The following CNTNAP2 variants were observed in gnomAD, a reference collection of about 807,000 sequenced individuals.
CNTNAP2 encodes contactin associated protein 2.
Under a neutral mutation model 155.2 loss-of-function variants are expected in CNTNAP2, and 98 were observed. The observed-to-expected ratio is 0.63, with a 90% confidence interval of 0.54 to 0.75. The LOEUF (loss-of-function observed/expected upper bound fraction) is 0.75. CNTNAP2 is among the 30% of genes least tolerant of loss of function. The probability of loss-of-function intolerance (pLI) is 0.00; values close to 1 mark genes in which losing one functional copy is unlikely to be tolerated. For synonymous variants in CNTNAP2, 651 were observed against 631.2 expected (o/e 1.03, Z -0.47); for missense variants, 1,727 against 1,688.1 (o/e 1.02, Z -0.40).
intron 1 of CNTNAP2, among the ~76,000 whole-genome samples, chr7:146,726,410 TC>T (rs1801432683): frequency 6.6e-6 from 1 of 152,162 alleles, no homozygotes; most frequent in Admixed American, 6.5e-5. Context: ...TCTTTTAGCT[TC>T]CCTTATTTTG....
chr7:147,091,578 A>G (rs904301922), intron 4 of CNTNAP2, among the ~76,000 whole-genome samples: 6 of 148,778 alleles, frequency 4.0e-5, no homozygotes, highest in Admixed American at 2.0e-4. Context: ...CAGCTTCCCT[A>G]GTAGCTGGGA....
At chr7:146,989,602 C>T (rs1398342705) in intron 3 of CNTNAP2, among the ~76,000 whole-genome samples, 1 of 151,940 alleles carries the variant, frequency 6.6e-6, no homozygotes. Context: ...TTTAAATTTC[C>T]AAATCTCATC....
chr7:148,157,727 CAG>C (rs1371379023), intron 17 of CNTNAP2, among the ~76,000 whole-genome samples: 15 of 152,142 alleles, frequency 9.9e-5, no homozygotes, highest in Non-Finnish European at 2.2e-4. Flanking sequence ...AATCCTAATG[CAG>C]AGTTTCTACC....
At chr7:147,472,300 C>T (rs942382418) in intron 10 of CNTNAP2, among the ~76,000 whole-genome samples, 1 of 146,890 alleles carries the variant, frequency 6.8e-6, no homozygotes, top group African/African-American at 2.5e-5. Flanking sequence ...GCAACCTTTG[C>T]CTCCCAGGTT....
chr7:147,726,293 CTT>C (rs1337470552), intron 13 of CNTNAP2, among the ~76,000 whole-genome samples: 2 of 152,050 alleles, frequency 1.3e-5, no homozygotes, highest in African/African-American at 4.8e-5. Flanking sequence ...CACAAGAAGA[CTT>C]TTGGCGGTGT....
Position 146,465,685 on chromosome 7 carries a change from T to C in CNTNAP2, c.98-308586T>C, listed in dbSNP as rs1192987887. Reference sequence around the variant, plus strand: ...TTAAAAATGGGATCTTCTGAGACTTTGCATGCTGTCTTCAGACCTATCTTG... The same window carrying C: ...TTAAAAATGGGATCTTCTGAGACTTCGCATGCTGTCTTCAGACCTATCTTG... On this transcript the variant is annotated intron_variant, in intron 1 of 23. Coordinates refer to ENST00000361727, the MANE Select transcript of CNTNAP2 (RefSeq NM_014141.6). Among the ~76,000 whole-genome samples, 4 of 152,202 alleles carry C rather than the reference T, an allele frequency of 2.6e-5. No individual in the cohort carries two copies. The East Asian group carries it at 5.8e-4, about 22-fold the overall frequency.
chr7:146,144,404 A>G (rs891634320), intron 1 of CNTNAP2, among the ~76,000 whole-genome samples: 1 of 152,132 alleles, frequency 6.6e-6, no homozygotes, highest in African/African-American at 2.4e-5. Flanking sequence ...TGCCTGCTTC[A>G]GCCTCCAAAA....
intron 1 of CNTNAP2, among the ~76,000 whole-genome samples, chr7:146,358,350 TG>T (rs1410432415): frequency 6.6e-6 from 1 of 152,182 alleles, no homozygotes; most frequent in African/African-American, 2.4e-5. Flanking sequence ...GCTTGATTTA[TG>T]ATCCGTAGGC....
chr7:147,949,440 G>GTATATATATATATATGTA (rs1800883631), intron 14 of CNTNAP2, among the ~76,000 whole-genome samples: 1 of 127,366 alleles, frequency 7.9e-6, no homozygotes, highest in South Asian at 2.9e-4. Context: ...TCAACTGTGT[G>GTATATATATATATATGTA]TATATATATA....
rs562793417 is a variant in CNTNAP2 at position 147,966,291 on chromosome 7, G to T, written c.2256-11571G>T. On this transcript the variant is annotated intron_variant, in intron 14 of 23. Coordinates refer to ENST00000361727, the MANE Select transcript of CNTNAP2 (RefSeq NM_014141.6). Reference sequence around the variant, plus strand: ...CCAAAATAAAAATTCAAAGCATATTGTACTTCCTTCTGAGGCCAAATGCAT... The same window carrying T: ...CCAAAATAAAAATTCAAAGCATATTTTACTTCCTTCTGAGGCCAAATGCAT... Among the ~76,000 whole-genome samples the T allele has an allele frequency of 2.0e-5, 3 of 152,222 alleles. No individual in the cohort carries two copies. In the South Asian group the frequency reaches 6.2e-4, roughly 32 times the overall value.
In CNTNAP2 at chr7:148,341,086, G is replaced by C. The variant is rs367734556; in HGVS notation, c.3476-42563G>C. ...GCACATATGCTATGCACTTAGCGCTGATTGTGAAGAAACACCAAGGTGGCC... is the reference window on the plus strand; with the variant it reads ...GCACATATGCTATGCACTTAGCGCTCATTGTGAAGAAACACCAAGGTGGCC... On this transcript the variant is annotated intron_variant, in intron 21 of 23. Coordinates refer to ENST00000361727, the MANE Select transcript of CNTNAP2 (RefSeq NM_014141.6). Among the ~76,000 whole-genome samples, 5 of 152,258 alleles carry C rather than the reference G, an allele frequency of 3.3e-5. 1 individual carries two copies. The highest frequency in any genetic ancestry group is 6.8e-3 in the Middle Eastern group (2 of 294).
At chr7:146,525,574 A>ATCTATCTC (rs1199614082) in intron 1 of CNTNAP2, among the ~76,000 whole-genome samples, 3 of 132,636 alleles carry the variant, frequency 2.3e-5, no homozygotes, top group South Asian at 4.3e-4. Context: ...CTATCTATCT[A>ATCTATCTC]TCTCTCTATC....
chr7:147,213,212 G>A (rs1803195476), intron 8 of CNTNAP2, among the ~76,000 whole-genome samples: 1 of 152,150 alleles, frequency 6.6e-6, no homozygotes, highest in Non-Finnish European at 1.5e-5. Flanking sequence ...GAGGGCGGAA[G>A]AGGAGGGATG....
At chr7:146,698,944 T>C (rs1430391002) in intron 1 of CNTNAP2, among the ~76,000 whole-genome samples, 1 of 152,180 alleles carries the variant, frequency 6.6e-6, no homozygotes, top group Non-Finnish European at 1.5e-5. Flanking sequence ...TTATCTTTTT[T>C]TTCTTTCTTT....
At chr7:148,050,616 G>C (rs1475083100) in intron 15 of CNTNAP2, among the ~76,000 whole-genome samples, 1 of 152,134 alleles carries the variant, frequency 6.6e-6, no homozygotes, top group Non-Finnish European at 1.5e-5. Flanking sequence ...TGAAGCCTAA[G>C]TATACAGTAT....
intron 1 of CNTNAP2, among the ~76,000 whole-genome samples, chr7:146,158,614 A>G (rs1798166232): frequency 6.6e-6 from 1 of 152,194 alleles, no homozygotes; most frequent in Non-Finnish European, 1.5e-5. Flanking sequence ...TTCAGTAGCC[A>G]ATTCAATCAA....
At chr7:147,544,479 TG>T (rs1355496990) in intron 11 of CNTNAP2, among the ~76,000 whole-genome samples, 3 of 152,122 alleles carry the variant, frequency 2.0e-5, no homozygotes, top group African/African-American at 4.8e-5. Context: ...CATTTATTTC[TG>T]GCAAAAATGA....
At chr7:147,962,625 T>C (rs1801134285) in intron 14 of CNTNAP2, among the ~76,000 whole-genome samples, 1 of 152,348 alleles carries the variant, frequency 6.6e-6, no homozygotes, top group South Asian at 2.1e-4. Flanking sequence ...TAACATTAGC[T>C]TGAAACACAT....
At chr7:147,978,094 C>G in intron 15 of CNTNAP2, 105 bp downstream of exon 15, 1 of 1,430,938 alleles carries the variant, frequency 7.0e-7, no homozygotes, top group Non-Finnish European at 9.6e-7. Context: ...TCCTGTAGCT[C>G]CTACAGAAAC....
Sources: allele counts gnomAD v4.1 joint callset (sites outside exome capture counted in the v4.1 genomes callset), GRCh38; gene constraint gnomAD v4.1.1; transcripts MANE v1.5; gene names NCBI Gene and HGNC (gene_info 2026-07-23, HGNC 2026-07-21).